AGAP1: variants seen among roughly 807,000 people sequenced by gnomAD.
AGAP1 encodes ArfGAP with GTPase domain, ankyrin repeat and PH domain 1.
Under a neutral mutation model 105.3 loss-of-function variants are expected in AGAP1, and 29 were observed. That is an observed-to-expected ratio of 0.28 (90% CI 0.21 to 0.38). AGAP1 has a LOEUF of 0.38. Among genes scored for constraint, AGAP1 ranks in the 10% least tolerant of loss-of-function variants. AGAP1 has a pLI of 1.00. For missense variants in AGAP1, 998 were observed against 1,165.1 expected, an observed-to-expected ratio of 0.86 and a Z score of 2.09; for synonymous variants, 509 against 485.9, an observed-to-expected ratio of 1.05 and a Z score of -0.63.
intron 13 of AGAP1, among the ~76,000 whole-genome samples, chr2:236,029,289 T>G (rs1056977410): frequency 2.6e-5 from 4 of 152,058 alleles, no homozygotes; most frequent in African/African-American, 7.2e-5. Flanking sequence ...TTTCTTTTTT[T>G]TTTTGAGATG....
rs1055027391 is a variant in AGAP1 at position 235,577,584 on chromosome 2, G to A, written c.163+82735G>A. ...GGGAGCTGAGAGTCCCTTGCTGCCC[G>A]GAGCATGGCTGTGTGGCTGCCTGAC... On this transcript the variant is annotated intron_variant, in intron 1 of 17. Coordinates refer to ENST00000304032, the MANE Select transcript of AGAP1 (RefSeq NM_001037131.3). The surrounding 1 kb of genome is among the most constrained non-coding windows in gnomAD (Gnocchi z 4.5). Among the ~76,000 whole-genome samples, 3 of 152,020 alleles carry A rather than the reference G, an allele frequency of 2.0e-5. No homozygotes were observed. Among genetic ancestry groups the A allele is most frequent in the East Asian group, 3.9e-4 (2 of 5,172 alleles).
chr2:235,887,573 G>A lies in AGAP1; in HGVS notation c.1155+4124G>A, dbSNP rs561693424. Among the ~76,000 whole-genome samples the A allele has an allele frequency of 5.9e-5, 9 of 152,156 alleles. No homozygotes were observed. Among genetic ancestry groups the A allele is most frequent in the Non-Finnish European group, 1.3e-4 (9 of 68,032 alleles). ...CCACCTTTTCTCTCAAAGGCAGATGGGGCCCAGGTTCCAACACAAGAGCCC... is the reference window on the plus strand; with the variant it reads ...CCACCTTTTCTCTCAAAGGCAGATGAGGCCCAGGTTCCAACACAAGAGCCC... On this transcript the variant is annotated intron_variant, in intron 10 of 17. Transcript: ENST00000304032. This position sits in a 1 kb window ranked among gnomAD's most constrained non-coding sequence, Gnocchi z 4.1.
intron 1 of AGAP1, among the ~76,000 whole-genome samples, chr2:235,643,457 A>AAAAAAAAAAAAAAAAAAGAAAG (rs1553595203): frequency 7.1e-6 from 1 of 140,402 alleles, no homozygotes; most frequent in African/African-American, 2.7e-5. Context: ...AAAAAAAAAA[A>AAAAAAAAAAAAAAAAAAGAAAG]AAAGAAAGAA....
At chr2:235,505,918 A>G (rs1379987680) in intron 1 of AGAP1, 1 of 142,684 alleles carries the variant, frequency 7.0e-6, no homozygotes, top group East Asian at 2.0e-4. Flanking sequence ...TGCTTTTTTT[A>G]AAATTCTTTT....
At chr2:235,511,906 GTA>G (rs1379174219) in intron 1 of AGAP1, among the ~76,000 whole-genome samples, 2 of 151,580 alleles carry the variant, frequency 1.3e-5, no homozygotes, top group South Asian at 4.2e-4. Context: ...GTGTGAATGA[GTA>G]TGTGGATGTG....
chr2:235,945,208 C>T (rs956741072), intron 12 of AGAP1, among the ~76,000 whole-genome samples: 2 of 152,202 alleles, frequency 1.3e-5, no homozygotes, highest in Non-Finnish European at 2.9e-5. Context: ...TCCCGCCATT[C>T]TCCTGCCTCA....
intron 6 of AGAP1, among the ~76,000 whole-genome samples, chr2:235,781,764 G>C (rs1956277011): frequency 6.6e-6 from 1 of 152,082 alleles, no homozygotes; most frequent in Admixed American, 6.6e-5. Flanking sequence ...TACCCAAATA[G>C]CAAATTATTG....
rs1487918535 is a variant in AGAP1 at position 235,629,733 on chromosome 2, C to T, written c.164-79446C>T. Reference sequence around the variant, plus strand: ...TAAATGTAAAAAAAAAAAAAAATAGCTGGACGTGGTGGCGTGTACTTGTAG... The same window carrying T: ...TAAATGTAAAAAAAAAAAAAAATAGTTGGACGTGGTGGCGTGTACTTGTAG... On this transcript the variant is annotated intron_variant, in intron 1 of 17. Transcript: ENST00000304032. 2.0e-5 allele frequency among the ~76,000 whole-genome samples: 3 copies of T among 150,678 alleles called. No homozygotes were observed. The East Asian group carries it at 5.9e-4, about 29-fold the overall frequency.
intron 1 of AGAP1, among the ~76,000 whole-genome samples, chr2:235,644,956 C>T (rs946021656): frequency 1.3e-5 from 2 of 151,016 alleles, no homozygotes; most frequent in African/African-American, 4.9e-5. Context: ...AGTGCAATGG[C>T]GCGATCTGGG....
chr2:235,802,931 TATG>T (rs1479166002), intron 8 of AGAP1, among the ~76,000 whole-genome samples: 18 of 6,600 alleles, frequency 2.7e-3, no homozygotes, highest in South Asian at 0.023. Flanking sequence ...TGGTTGTGGT[TATG>T]ATGGTTGTAA....
Position 235,777,298 on chromosome 2 carries a change from C to T in AGAP1, c.674-20461C>T, listed in dbSNP as rs763357478. On this transcript the variant is annotated intron_variant, in intron 6 of 17. Transcript: ENST00000304032. The surrounding 1 kb of genome is among the most constrained non-coding windows in gnomAD (Gnocchi z 5.1). The stretch of plus-strand genomic sequence containing the variant: ...CTGGGAGGCGGAGGTTGCAGTGAGC[C>T]GAGATTGCGCCACTGCACTTCAGCC... Among the ~76,000 whole-genome samples the T allele has an allele frequency of 2.0e-5, 3 of 152,122 alleles. No individual in the cohort carries two copies. Among genetic ancestry groups the T allele is most frequent in the Non-Finnish European group, 4.4e-5 (3 of 68,024 alleles).
rs1426784129 is a variant in AGAP1 at position 235,877,160 on chromosome 2, A to G, written c.1051-6185A>G. Among the ~76,000 whole-genome samples the G allele has an allele frequency of 6.6e-6, 1 of 152,106 alleles. No individual in the cohort carries two copies. The highest frequency in any genetic ancestry group is 2.4e-5 in the African/African-American group (1 of 41,416). On this transcript the variant is annotated intron_variant, in intron 9 of 17. Transcript: ENST00000304032. This position sits in a 1 kb window ranked among gnomAD's most constrained non-coding sequence, Gnocchi z 4.3. ...ACGCCCTGCCAGAGCCATTTAAAAG[A>G]ACAAAAATCTCATGAATCCTTCAAC...
intron 9 of AGAP1, among the ~76,000 whole-genome samples, chr2:235,829,521 A>G (rs1053227768): frequency 1.3e-5 from 2 of 152,226 alleles, no homozygotes; most frequent in Non-Finnish European, 2.9e-5. Context: ...CTGAATTGCC[A>G]CTAGAGAATT....
chr2:235,530,619 T>G lies in AGAP1; in HGVS notation c.163+35770T>G, dbSNP rs116276263. ...TCTTCAAAACCAGCTGTGTAGCATC[T>G]TCCGATCTCTTCTTCCATTCCACTC... On this transcript the variant is annotated intron_variant, in intron 1 of 17. Transcript: ENST00000304032. Among the ~76,000 whole-genome samples the G allele has an allele frequency of 5.1e-3, 776 of 152,298 alleles. 7 individuals are homozygous for G. Among genetic ancestry groups the G allele is most frequent in the African/African-American group, 0.017 (710 of 41,582 alleles).
At chr2:235,681,920 A>G (rs1031175451) in intron 1 of AGAP1, among the ~76,000 whole-genome samples, 10 of 136,032 alleles carry the variant, frequency 7.4e-5, no homozygotes, top group African/African-American at 2.8e-4. Flanking sequence ...GCACAATCTC[A>G]GCTCACTGCA....
chr2:235,564,810 ACGGC>A (rs1944291181), intron 1 of AGAP1, among the ~76,000 whole-genome samples: 1 of 140,686 alleles, frequency 7.1e-6, no homozygotes, highest in Non-Finnish European at 1.5e-5. Context: ...ACCAGCACCC[ACGGC>A]CAGGTGTGAG....
chr2:236,116,899 C>T (rs935582316), intron 16 of AGAP1, among the ~76,000 whole-genome samples: 1 of 152,164 alleles, frequency 6.6e-6, no homozygotes, highest in Non-Finnish European at 1.5e-5. Context: ...AGTCTCCAGT[C>T]TCATTGGAGG....
At position 235,566,536 on chromosome 2, in the gene AGAP1, G is replaced by A; in HGVS notation, c.163+71687G>A. 7 of 982,542 alleles carry A rather than the reference G, an allele frequency of 7.1e-6. No homozygotes were observed. Among genetic ancestry groups the A allele is most frequent in the Non-Finnish European group, 7.3e-6 (6 of 827,354 alleles). 60.9% of individuals were successfully genotyped at this position (982,542 alleles called of 1,614,324 possible). ...AGCACAAATCATCAGTGCGCCGTAC[G>A]TTTTGGCCAGCACTTTATTTTATGG... On this transcript the variant is annotated intron_variant, in intron 1 of 17. Transcript: ENST00000304032. The surrounding 1 kb of genome is among the most constrained non-coding windows in gnomAD (Gnocchi z 5.2).
chr2:235,868,448 G>C (rs773358998), intron 9 of AGAP1, among the ~76,000 whole-genome samples: 24 of 152,122 alleles, frequency 1.6e-4, no homozygotes, highest in Admixed American at 1.0e-3. Context: ...GGTTGTGGAC[G>C]TGCCTGTTGA....
Sources: gnomAD v4.1 joint callset for allele counts (sites outside exome capture counted in the v4.1 genomes callset) on GRCh38, gnomAD v4.1.1 for gene constraint, Gnocchi (gnomAD v3.1) non-coding constraint, MANE v1.5 for transcripts, NCBI Gene and HGNC (gene_info 2026-07-23, HGNC 2026-07-21) for gene names.